PLD3: variants seen among roughly 807,000 people sequenced by gnomAD.
PLD3 encodes 5'-3' exonuclease PLD3.
A neutral mutation model predicts 58.4 loss-of-function variants in PLD3; 31 were observed. That is an observed-to-expected ratio of 0.53 (90% CI 0.40 to 0.72). PLD3 has a LOEUF of 0.72. PLD3 is among the 30% of genes least tolerant of loss of function. The pLI, the probability that PLD3 is intolerant of heterozygous loss-of-function variation, is 0.00. For synonymous variants in PLD3, 264 were observed against 273.4 expected, an observed-to-expected ratio of 0.97 and a Z score of 0.34; for missense variants, 595 against 659.8, an observed-to-expected ratio of 0.90 and a Z score of 1.08.
chr19:40,360,709 C>T (rs2078761027), intron 1 of PLD3: 1 of 152,050 alleles, frequency 6.6e-6, no homozygotes, highest in Non-Finnish European at 1.5e-5. Context: ...CTCACCTCTC[C>T]CAGCTTCTAG....
At chr19:40,377,403 C>CAGG (rs2079255846) in intron 11 of PLD3, among the ~76,000 whole-genome samples, 3 of 67,764 alleles carry the variant, frequency 4.4e-5, no homozygotes, top group Admixed American at 1.8e-4. Context: ...ATGGAGGAGG[C>CAGG]CCAGGCAGAG....
intron 6 of PLD3, among the ~76,000 whole-genome samples, chr19:40,368,927 A>C (rs1288315091): frequency 2.0e-5 from 3 of 151,692 alleles, no homozygotes; most frequent in Non-Finnish European, 4.4e-5. Flanking sequence ...CCTGTCTCAA[A>C]AAAAAGAAAA....
chr19:40,365,433 G>A (rs886429404), intron 1 of PLD3: 3 of 152,150 alleles, frequency 2.0e-5, no homozygotes, highest in African/African-American at 7.2e-5. Flanking sequence ...ATCTCATGCT[G>A]TGAACTGTCT....
intron 11 of PLD3, among the ~76,000 whole-genome samples, chr19:40,377,352 G>A: frequency 7.0e-6 from 1 of 143,562 alleles, no homozygotes; most frequent in African/African-American, 2.6e-5. Context: ...GAGGGGTCAG[G>A]GCTGGGATGG....
chr19:40,360,948 G>A (rs1050886681), intron 1 of PLD3, among the ~76,000 whole-genome samples: 2 of 152,144 alleles, frequency 1.3e-5, no homozygotes, highest in African/African-American at 2.4e-5. Context: ...ATGCTTGCGT[G>A]GGACACATCT....
intron 8 of PLD3, among the ~76,000 whole-genome samples, chr19:40,371,092 A>G (rs189902481): frequency 1.4e-4 from 21 of 152,336 alleles, no homozygotes; most frequent in African/African-American, 2.6e-4. Flanking sequence ...CCTGAAGGAT[A>G]GGGAGGAATT....
chr19:40,350,573 A>G (rs1292129814), intron 1 of PLD3, among the ~76,000 whole-genome samples: 1 of 151,538 alleles, frequency 6.6e-6, no homozygotes, highest in East Asian at 2.0e-4. Context: ...GTGAAGCCCC[A>G]TCTCTACTAA....
At chr19:40,349,889 T>C (rs1205374928) in intron 1 of PLD3, among the ~76,000 whole-genome samples, 18 of 124,030 alleles carry the variant, frequency 1.5e-4, no homozygotes, top group East Asian at 4.8e-4. Context: ...ACCGGGGAGG[T>C]GGAGGTTGCA....
At chr19:40,349,441 C>T (rs2078428606) in intron 1 of PLD3, among the ~76,000 whole-genome samples, 2 of 152,124 alleles carry the variant, frequency 1.3e-5, no homozygotes, top group South Asian at 4.1e-4. Context: ...TCTCACATAA[C>T]ATACGGGGTA....
chr19:40,369,839 C>T, intron 6 of PLD3, 69 bp from the exon 7 acceptor site: 4 of 1,422,674 alleles, frequency 2.8e-6, no homozygotes, highest in Non-Finnish European at 3.7e-6. Context: ...AATAACTCCA[C>T]CGGGCATTAC....
chr19:40,348,781 C>A lies in PLD3; in HGVS notation c.-279+13C>A, dbSNP rs983917198. The A allele has an allele frequency of 2.9e-6, 1 of 341,148 alleles. No individual in the cohort carries two copies. Among genetic ancestry groups the A allele is most frequent in the Non-Finnish European group, 5.3e-6 (1 of 187,794 alleles). 21.1% of individuals were successfully genotyped at this position (341,148 alleles called of 1,614,324 possible). On this transcript the variant is annotated intron_variant, in intron 1 of 12. Transcript: ENST00000409735. Reference sequence around the variant, plus strand: ...ACGTGGAGTGCAGGTACTGTGCGATCTGGGGGCGCGGCGCCTCGGCTACCC... The same window carrying A: ...ACGTGGAGTGCAGGTACTGTGCGATATGGGGGCGCGGCGCCTCGGCTACCC...
chr19:40,372,881 A>G (rs1021684793), intron 9 of PLD3, among the ~76,000 whole-genome samples: 2 of 152,092 alleles, frequency 1.3e-5, no homozygotes, highest in African/African-American at 4.8e-5. Flanking sequence ...CCAAAAAAAG[A>G]AAAAATTCAG....
intron 1 of PLD3, among the ~76,000 whole-genome samples, chr19:40,363,744 T>C (rs2145679965): frequency 6.6e-6 from 1 of 152,208 alleles, no homozygotes; most frequent in Non-Finnish European, 1.5e-5. Flanking sequence ...TAGATCCTTT[T>C]TAGGCATCCC....
Position 40,355,688 on chromosome 19 carries a change from T to G in PLD3, c.-279+6920T>G, listed in dbSNP as rs1260708741. Among the ~76,000 whole-genome samples, 4 of 148,786 alleles carry G rather than the reference T, an allele frequency of 2.7e-5. No homozygotes were observed. The East Asian group carries it at 8.0e-4, about 30-fold the overall frequency. On this transcript the variant is annotated intron_variant, in intron 1 of 12. Coordinates refer to ENST00000409735, the MANE Select transcript of PLD3 (RefSeq NM_012268.4). ...GGCTTGTCAGCAAGTCATTATTGATTAAATATTAGTTGAATTAATAGATTA... is the reference window on the plus strand; with the variant it reads ...GGCTTGTCAGCAAGTCATTATTGATGAAATATTAGTTGAATTAATAGATTA...
At chr19:40,354,459 C>T (rs2145661866) in intron 1 of PLD3, among the ~76,000 whole-genome samples, 1 of 152,214 alleles carries the variant, frequency 6.6e-6, no homozygotes, top group South Asian at 2.1e-4. Context: ...AGTAATCTCC[C>T]TGCTTTGGCC....
chr19:40,356,093 A>G (rs2078650262), intron 1 of PLD3: 1 of 152,626 alleles, frequency 6.6e-6, no homozygotes, highest in Admixed American at 6.5e-5. Flanking sequence ...AGGAGGTGGT[A>G]TGTGAGCGGA....
chr19:40,376,569 C>T, intron 10 of PLD3, 40 bp from the exon 11 acceptor site: 2 of 1,588,008 alleles, frequency 1.3e-6, no homozygotes, highest in African/African-American at 1.3e-5. Flanking sequence ...ACACAGCCGC[C>T]CTCTGCATCC....
chr19:40,355,612 CTTTTTTT>C (rs60422933), intron 1 of PLD3, among the ~76,000 whole-genome samples: 2 of 81,104 alleles, frequency 2.5e-5, no homozygotes, highest in Non-Finnish European at 4.6e-5. Context: ...GTGCCGGCTC[CTTTTTTT>C]TTTTTTTTTT....
intron 11 of PLD3, among the ~76,000 whole-genome samples, chr19:40,377,529 G>A (rs952435982): frequency 1.3e-5 from 2 of 151,972 alleles, no homozygotes; most frequent in East Asian, 3.9e-4. Context: ...GGAAATGGGG[G>A]CATCTGAGAT....
Sources: gnomAD v4.1 joint callset for allele counts (sites outside exome capture counted in the v4.1 genomes callset) on GRCh38, gnomAD v4.1.1 for gene constraint, MANE v1.5 for transcripts, NCBI Gene and HGNC (gene_info 2026-07-23, HGNC 2026-07-21) for gene names.